The following CLSTN1 variants were observed in gnomAD, a reference collection of about 807,000 sequenced individuals.
The protein encoded by CLSTN1 is calsyntenin-1.
In CLSTN1, 28 loss-of-function variants were observed where a neutral mutation model predicts 108.3. The observed-to-expected ratio is 0.26, with a 90% CI of 0.19 to 0.35. CLSTN1 has a LOEUF of 0.35. Among genes scored for constraint, CLSTN1 ranks in the 10% least tolerant of loss-of-function variants. The pLI is 1.00. For missense variants in CLSTN1, 1,157 were observed against 1,302.6 expected (o/e 0.89, Z 1.72); for synonymous variants, 524 against 534.9 (o/e 0.98, Z 0.28).
chr1:9,737,358 G>A (rs1180568595), intron 11 of CLSTN1, 140 bp downstream of exon 11: 2 of 763,966 alleles, frequency 2.6e-6, no homozygotes, highest in South Asian at 3.1e-5. Context: ...TGAAGCAATG[G>A]GGAAGCGCAA....
chr1:9,762,094 C>T (rs1348103440), intron 2 of CLSTN1, among the ~76,000 whole-genome samples: 2 of 152,128 alleles, frequency 1.3e-5, no homozygotes, highest in African/African-American at 4.8e-5. Context: ...GTTCACTTGG[C>T]TAGGGGAAGC....
intron 1 of CLSTN1, among the ~76,000 whole-genome samples, chr1:9,781,851 G>A (rs149458596): frequency 6.6e-6 from 1 of 152,046 alleles, no homozygotes; most frequent in Non-Finnish European, 1.5e-5. Flanking sequence ...TCTATCAGAT[G>A]TGCACATCTG....
intron 1 of CLSTN1, among the ~76,000 whole-genome samples, chr1:9,783,113 G>A (rs757954913): frequency 6.6e-6 from 1 of 152,200 alleles, no homozygotes; most frequent in Non-Finnish European, 1.5e-5. Context: ...AGGTCCCAGG[G>A]TGGCCCTGAT....
chr1:9,802,965 C>G (rs914149850), intron 1 of CLSTN1, among the ~76,000 whole-genome samples: 2 of 151,816 alleles, frequency 1.3e-5, no homozygotes, highest in Non-Finnish European at 2.9e-5. Flanking sequence ...ACTGGGGCCA[C>G]AGGCACCTGC....
At chr1:9,760,578 G>T (rs1652021754) in intron 2 of CLSTN1, among the ~76,000 whole-genome samples, 1 of 151,936 alleles carries the variant, frequency 6.6e-6, no homozygotes, top group Admixed American at 6.6e-5. Flanking sequence ...ACATTTAAGG[G>T]ATTTTTAGGG....
intron 8 of CLSTN1, 119 bp downstream of exon 8, chr1:9,744,276 C>A: frequency 7.1e-7 from 1 of 1,413,536 alleles, no homozygotes; most frequent in Non-Finnish European, 9.5e-7. Context: ...CACAGCATGG[C>A]ACATGGCCTA....
At chr1:9,789,670 T>G (rs1359723744) in intron 1 of CLSTN1, among the ~76,000 whole-genome samples, 1 of 151,440 alleles carries the variant, frequency 6.6e-6, no homozygotes, top group African/African-American at 2.4e-5. Flanking sequence ...TCAAGTCCAA[T>G]AGAGCTTAAA....
chr1:9,770,029 C>CAA, intron 2 of CLSTN1, among the ~76,000 whole-genome samples: 1 of 115,782 alleles, frequency 8.6e-6, no homozygotes, highest in South Asian at 2.8e-4. Context: ...GACTCCGTCT[C>CAA]AAAAAAAAAA....
intron 7 of CLSTN1, among the ~76,000 whole-genome samples, chr1:9,746,352 AT>A (rs1215347863): frequency 1.3e-5 from 2 of 152,214 alleles, no homozygotes; most frequent in Non-Finnish European, 2.9e-5. Flanking sequence ...TGACTAAGCT[AT>A]TACTCGGAGC....
chr1:9,736,716 A>G (rs1650709299), intron 11 of CLSTN1, among the ~76,000 whole-genome samples: 1 of 152,196 alleles, frequency 6.6e-6, no homozygotes, highest in Non-Finnish European at 1.5e-5. Context: ...ATTTTCAGCA[A>G]TGTGTCTCAT....
intron 10 of CLSTN1, among the ~76,000 whole-genome samples, chr1:9,738,948 G>A (rs1264340733): frequency 3.3e-5 from 5 of 152,100 alleles, no homozygotes; most frequent in East Asian, 3.8e-4. Context: ...CACTGCGCAC[G>A]GTCATCTTTC....
intron 1 of CLSTN1, among the ~76,000 whole-genome samples, chr1:9,816,805 C>T (rs1654992146): frequency 6.6e-6 from 1 of 152,174 alleles, no homozygotes; most frequent in Non-Finnish European, 1.5e-5. Flanking sequence ...TGCCACCACG[C>T]CCAGCTAATT....
At chr1:9,762,041 G>A (rs943531349) in intron 2 of CLSTN1, among the ~76,000 whole-genome samples, 6 of 152,154 alleles carry the variant, frequency 3.9e-5, no homozygotes, top group African/African-American at 9.7e-5. Context: ...TCTTAGCATC[G>A]CTGTCGCTCC....
rs2101067925 is a variant in CLSTN1 at position 9,730,459 on chromosome 1, TGGCAGCAGAGTCTTCGAAA to T, written c.*30_*48del. 3 of 1,543,916 alleles carry T rather than the reference TGGCAGCAGAGTCTTCGAAA, an allele frequency of 1.9e-6. No individual in the cohort carries two copies. The highest frequency in any genetic ancestry group is 2.7e-6 in the Non-Finnish European group (3 of 1,130,804). ...GGACCCTTGGGACTGGGAGAACGGATGGCAGCAGAGTCTTCGAAAGCAGAAACCGAGGTGGCCGGGGGCA... is the reference window on the plus strand; with the variant it reads ...GGACCCTTGGGACTGGGAGAACGGATGCAGAAACCGAGGTGGCCGGGGGCA... On this transcript the variant is annotated 3_prime_UTR_variant, in exon 19 of 19. Coordinates refer to ENST00000377298, the MANE Select transcript of CLSTN1 (RefSeq NM_001009566.3). The surrounding 1 kb of genome is among the most constrained non-coding windows in gnomAD (Gnocchi z 5.6).
In CLSTN1 at chr1:9,730,458, AT is replaced by A; in HGVS notation, c.*49del. 6.5e-7 allele frequency: 1 copy of A among 1,540,616 alleles called. No homozygotes were observed. Among genetic ancestry groups the A allele is most frequent in the Admixed American group, 1.7e-5 (1 of 59,916 alleles). ...TGGACCCTTGGGACTGGGAGAACGG[AT>A]GGCAGCAGAGTCTTCGAAAGCAGAA... On this transcript the variant is annotated 3_prime_UTR_variant, in exon 19 of 19. Transcript: ENST00000377298. The surrounding 1 kb of genome is among the most constrained non-coding windows in gnomAD (Gnocchi z 5.6).
At chr1:9,779,218 A>T (rs1653121579) in intron 1 of CLSTN1, among the ~76,000 whole-genome samples, 1 of 152,132 alleles carries the variant, frequency 6.6e-6, no homozygotes, top group Non-Finnish European at 1.5e-5. Context: ...TGACTTTGCA[A>T]TCAGGTTGAA....
Position 9,779,750 on chromosome 1 carries a change from T to C in CLSTN1, c.92-6356A>G, listed in dbSNP as rs573560595. On this transcript the variant is annotated intron_variant, in intron 1 of 18. Coordinates refer to ENST00000377298, the MANE Select transcript of CLSTN1 (RefSeq NM_001009566.3). ...CTCAGGTATCTATGAAAATAAACCA[T>C]GCTATGATGTAGGCTGGAAGAAGCT... Among the ~76,000 whole-genome samples, 21 of 151,994 alleles carry C rather than the reference T, an allele frequency of 1.4e-4. 1 individual carries two copies. The highest frequency in any genetic ancestry group is 9.2e-4 in the Admixed American group (14 of 15,254).
Position 9,749,457 on chromosome 1 carries a change from T to G in CLSTN1, c.985+4A>C. ...CCGGATGCAAGAACGCCTGGTCTCC[T>G]TACCACAGAGCCGGTGGAGGGACTT... On this transcript the variant is annotated splice_donor_region_variant and intron_variant, in intron 7 of 18. Coordinates refer to ENST00000377298, the MANE Select transcript of CLSTN1 (RefSeq NM_001009566.3). The G allele has an allele frequency of 6.2e-7, 1 of 1,605,554 alleles. No homozygotes were observed. The highest frequency in any genetic ancestry group is 8.5e-7 in the Non-Finnish European group (1 of 1,177,714).
intron 1 of CLSTN1, among the ~76,000 whole-genome samples, chr1:9,777,050 T>A (rs1173093694): frequency 6.6e-6 from 1 of 151,618 alleles, no homozygotes; most frequent in African/African-American, 2.4e-5. Context: ...AACCCTCCTG[T>A]CTTTACTAAA....
Sources: allele counts gnomAD v4.1 joint callset (sites outside exome capture counted in the v4.1 genomes callset), GRCh38; gene constraint gnomAD v4.1.1; non-coding constraint Gnocchi (gnomAD v3.1); transcripts MANE v1.5; gene names NCBI Gene and HGNC (gene_info 2026-07-23, HGNC 2026-07-21).